The following FCHSD2 variants were observed in gnomAD, a reference collection of about 807,000 sequenced individuals.
FCHSD2 encodes F-BAR and double SH3 domains protein 2.
Under a neutral mutation model 108.1 loss-of-function variants are expected in FCHSD2, and 38 were observed. The ratio of observed to expected loss-of-function variants is 0.35; its 90% CI spans 0.27 to 0.46. The LOEUF is 0.46. FCHSD2 is among the 20% of genes least tolerant of loss of function. The pLI, the probability that FCHSD2 is intolerant of heterozygous loss-of-function variation, is 1.00. For synonymous variants in FCHSD2, 279 were observed against 314.7 expected (o/e 0.89, Z 1.20); for missense variants, 751 against 897.8 (o/e 0.84, Z 2.09).
intron 9 of FCHSD2, among the ~76,000 whole-genome samples, chr11:72,920,836 C>G (rs185494271): frequency 6.6e-6 from 1 of 152,144 alleles, no homozygotes. Flanking sequence ...AGATACATGA[C>G]AGGACTTCAA....
intron 13 of FCHSD2, among the ~76,000 whole-genome samples, chr11:72,856,491 A>G (rs1366192549): frequency 6.6e-6 from 1 of 152,242 alleles, no homozygotes; most frequent in African/African-American, 2.4e-5. Flanking sequence ...ATATGTATAA[A>G]TATTATGTGT....
chr11:72,969,453 C>A lies in FCHSD2; in HGVS notation c.705+14635G>T, dbSNP rs140783978. 2.0e-5 allele frequency among the ~76,000 whole-genome samples: 3 copies of A among 152,262 alleles called. No homozygotes were observed. The East Asian group carries it at 5.8e-4, about 29-fold the overall frequency. On this transcript the variant is annotated intron_variant, in intron 8 of 19. Coordinates refer to ENST00000409418, the MANE Select transcript of FCHSD2 (RefSeq NM_014824.3). ...AGAAAGAGAAAAACACTGAGAGGGA[C>A]AGAGACAAAAAGATGAATCTTTGTC...
chr11:72,941,144 T>A (rs1856409320), intron 8 of FCHSD2: 2 of 461,456 alleles, frequency 4.3e-6, no homozygotes, highest in South Asian at 5.9e-5. Flanking sequence ...TCATACCTCA[T>A]AATTTAGGAC....
chr11:73,039,802 C>T (rs1332306712), intron 3 of FCHSD2, among the ~76,000 whole-genome samples: 5 of 152,028 alleles, frequency 3.3e-5, no homozygotes, highest in Non-Finnish European at 7.4e-5. Flanking sequence ...TTTAATTATT[C>T]CACATAAGTA....
At chr11:73,086,361 T>C (rs768553691) in intron 2 of FCHSD2, among the ~76,000 whole-genome samples, 5 of 152,074 alleles carry the variant, frequency 3.3e-5, no homozygotes, top group African/African-American at 4.8e-5. Flanking sequence ...TGAACCAAGA[T>C]AGGACCACTG....
intron 10 of FCHSD2, among the ~76,000 whole-genome samples, chr11:72,902,022 C>T (rs1261056890): frequency 1.3e-5 from 2 of 151,844 alleles, no homozygotes; most frequent in African/African-American, 4.8e-5. Context: ...TTACAGGGGC[C>T]CACGACCAAG....
At chr11:72,862,510 G>A (rs1046038125) in intron 13 of FCHSD2, among the ~76,000 whole-genome samples, 1 of 152,096 alleles carries the variant, frequency 6.6e-6, no homozygotes, top group African/African-American at 2.4e-5. Context: ...TATGAAATAG[G>A]GGTAAGTCTG....
chr11:72,953,666 T>C (rs1856658090), intron 8 of FCHSD2, among the ~76,000 whole-genome samples: 2 of 150,594 alleles, frequency 1.3e-5, no homozygotes, highest in South Asian at 2.1e-4. Context: ...TTAAATGTTA[T>C]GGCAGGTTGT....
At chr11:73,040,173 GCT>G (rs1858600263) in intron 3 of FCHSD2, among the ~76,000 whole-genome samples, 1 of 152,154 alleles carries the variant, frequency 6.6e-6, no homozygotes, top group Non-Finnish European at 1.5e-5. Context: ...CCAGTCTGCA[GCT>G]CTGTGTCAGC....
chr11:72,850,057 GTTTTTT>G (rs10579880), intron 13 of FCHSD2, among the ~76,000 whole-genome samples, 168 bp from the exon 14 acceptor site: 2 of 85,492 alleles, frequency 2.3e-5, no homozygotes, highest in Admixed American at 1.3e-4. Flanking sequence ...AAAGAATAGA[GTTTTTT>G]TTTTTTTTTT....
chr11:73,138,039 C>G (rs1236067785), intron 2 of FCHSD2, among the ~76,000 whole-genome samples: 1 of 152,068 alleles, frequency 6.6e-6, no homozygotes, highest in East Asian at 1.9e-4. Context: ...GACACTACTG[C>G]AATAATTAGG....
intron 8 of FCHSD2, among the ~76,000 whole-genome samples, chr11:72,949,354 A>G (rs1175482698): frequency 6.6e-6 from 1 of 152,022 alleles, no homozygotes; most frequent in Non-Finnish European, 1.5e-5. Context: ...GGAGGCTGAG[A>G]CAGGAGAATC....
At chr11:72,957,462 C>T (rs1856736206) in intron 8 of FCHSD2, among the ~76,000 whole-genome samples, 1 of 150,638 alleles carries the variant, frequency 6.6e-6, no homozygotes, top group African/African-American at 2.4e-5. Flanking sequence ...GTTCCAAGGA[C>T]TCTACTCTTT....
intron 13 of FCHSD2, among the ~76,000 whole-genome samples, chr11:72,853,003 G>T (rs1010753115): frequency 6.6e-6 from 1 of 152,162 alleles, no homozygotes; most frequent in African/African-American, 2.4e-5. Flanking sequence ...GCAGAAGGTG[G>T]GAGGAGGGAG....
chr11:73,049,879 A>C (rs1858858083), intron 3 of FCHSD2, among the ~76,000 whole-genome samples: 1 of 152,190 alleles, frequency 6.6e-6, no homozygotes, highest in Non-Finnish European at 1.5e-5. Context: ...CCATAAAAAA[A>C]AAATTGTTTT....
At chr11:73,035,110 G>A (rs555601421) in intron 3 of FCHSD2, among the ~76,000 whole-genome samples, 1 of 152,188 alleles carries the variant, frequency 6.6e-6, no homozygotes, top group Admixed American at 6.5e-5. Context: ...TTAACTCCTG[G>A]ACCTTGACAA....
At position 72,887,847 on chromosome 11, in the gene FCHSD2, C is replaced by T. The variant is rs558025248; in HGVS notation, c.1042-273G>A. ...GGGAAACTGCTAAGCTGAGACCATCCAATACTCAGATTAGTGAGAGATAAT... is the reference window on the plus strand; with the variant it reads ...GGGAAACTGCTAAGCTGAGACCATCTAATACTCAGATTAGTGAGAGATAAT... On this transcript the variant is annotated intron_variant, in intron 11 of 19. Coordinates refer to ENST00000409418, the MANE Select transcript of FCHSD2 (RefSeq NM_014824.3). Among the ~76,000 whole-genome samples, 9 of 152,208 alleles carry T rather than the reference C, an allele frequency of 5.9e-5. No homozygotes were observed. In the South Asian group the frequency reaches 1.9e-3, roughly 32 times the overall value.
chr11:72,940,617 C>A, intron 8 of FCHSD2: 1 of 1,444,096 alleles, frequency 6.9e-7, no homozygotes, highest in Non-Finnish European at 9.7e-7. Flanking sequence ...ACAGGGCTCC[C>A]CGCCCCACCC....
chr11:72,887,394 G>A (rs1591370902), intron 12 of FCHSD2, 76 bp downstream of exon 12: 4 of 902,142 alleles, frequency 4.4e-6, no homozygotes, highest in South Asian at 2.9e-5. Context: ...TAGAAACTCA[G>A]TTTTAAAGAT....
Sources: allele counts gnomAD v4.1 joint callset (sites outside exome capture counted in the v4.1 genomes callset), GRCh38; gene constraint gnomAD v4.1.1; transcripts MANE v1.5; gene names NCBI Gene and HGNC (gene_info 2026-07-23, HGNC 2026-07-21).